Variants in DIAPH2 observed in about 807,000 individuals in gnomAD.
DIAPH2 encodes protein diaphanous homolog 2.
Under a neutral mutation model 92.7 loss-of-function variants are expected in DIAPH2, and 35 were observed. That is an observed-to-expected ratio of 0.38 (90% confidence interval 0.29 to 0.50). The LOEUF (loss-of-function observed/expected upper bound fraction) is 0.50, where lower values mean the gene tolerates loss of function less well. Among genes scored for constraint, DIAPH2 ranks in the 20% least tolerant of loss-of-function variants. The pLI is 0.94. For synonymous variants in DIAPH2, 301 were observed against 280.4 expected (o/e 1.07, Z -0.73); for missense variants, 701 against 819.5 (o/e 0.86, Z 1.77).
At chrX:96,905,486 G>A (rs971457845) in intron 5 of DIAPH2, among the ~76,000 whole-genome samples, 49 of 110,789 alleles carry the variant, frequency 4.4e-4, no homozygotes, top group African/African-American at 1.4e-3. Flanking sequence ...TCCTCGTTTT[G>A]CTTTGCCCTG....
At chrX:97,594,624 T>C (rs899613053) in intron 26 of DIAPH2, among the ~76,000 whole-genome samples, 2 of 112,902 alleles carry the variant, frequency 1.8e-5, no homozygotes, top group South Asian at 7.3e-4. Context: ...TGACCACTGA[T>C]GGTAAATCTG....
chrX:96,725,025 T>C (rs942055021), intron 1 of DIAPH2, among the ~76,000 whole-genome samples: 1 of 111,622 alleles, frequency 9.0e-6, no homozygotes, highest in East Asian at 2.8e-4. Context: ...ATTATTTAAA[T>C]ACAGCGAAGA....
At chrX:97,293,131 T>C (rs1484211457) in intron 23 of DIAPH2, among the ~76,000 whole-genome samples, 1 of 111,320 alleles carries the variant, frequency 9.0e-6, no homozygotes, top group Non-Finnish European at 1.9e-5. Context: ...TTTTCTAATG[T>C]CACTATAAAT....
chrX:97,474,808 T>C (rs1177502967), intron 26 of DIAPH2, among the ~76,000 whole-genome samples: 1 of 109,413 alleles, frequency 9.1e-6, no homozygotes, highest in East Asian at 2.8e-4. Context: ...AAGAACAGGG[T>C]AGATGATTAT....
chrX:97,395,412 A>T (rs1403073008), intron 25 of DIAPH2, among the ~76,000 whole-genome samples: 2 of 111,946 alleles, frequency 1.8e-5, no homozygotes, highest in Admixed American at 1.9e-4. Context: ...AATTTTGGAC[A>T]TGTAGCCAGC....
At chrX:97,406,861 G>C (rs1410907067) in intron 25 of DIAPH2, among the ~76,000 whole-genome samples, 2 of 110,887 alleles carry the variant, frequency 1.8e-5, no homozygotes, top group Non-Finnish European at 3.8e-5. Context: ...CTAAATCTTT[G>C]CCAAGGAACC....
chrX:97,006,199 T>G (rs1436412425), intron 17 of DIAPH2, among the ~76,000 whole-genome samples: 2 of 111,964 alleles, frequency 1.8e-5, no homozygotes, highest in East Asian at 5.6e-4. Context: ...AGACGTGTTT[T>G]GTGGTATGTC....
intron 1 of DIAPH2, among the ~76,000 whole-genome samples, chrX:96,696,072 G>A (rs185986849): frequency 1.8e-5 from 2 of 111,576 alleles, no homozygotes; most frequent in Non-Finnish European, 3.8e-5. Flanking sequence ...TTTTTTAGGA[G>A]TTTGTTTCTG....
At chrX:97,416,516 A>G (rs1413754202) in intron 25 of DIAPH2, among the ~76,000 whole-genome samples, 10 of 112,469 alleles carry the variant, frequency 8.9e-5, no homozygotes, top group Non-Finnish European at 1.5e-4. Flanking sequence ...AAAGATAGAA[A>G]ATTAGTTGGT....
intron 17 of DIAPH2, among the ~76,000 whole-genome samples, chrX:97,002,051 T>G (rs776302605): frequency 2.2e-4 from 24 of 111,027 alleles, no homozygotes; most frequent in Admixed American, 5.7e-4. Context: ...TCTTGATAAT[T>G]CAAGTCAATA....
chrX:96,779,923 T>C (rs1268505606), intron 4 of DIAPH2, among the ~76,000 whole-genome samples: 3 of 111,854 alleles, frequency 2.7e-5, no homozygotes, highest in South Asian at 3.7e-4. Flanking sequence ...ATTTTAAAAA[T>C]TTACAAAAAT....
rs749412334 is a variant in DIAPH2, at chrX:97,133,047, A to G, written c.2590-8618A>G. On this transcript the variant is annotated intron_variant, in intron 21 of 26. Coordinates refer to ENST00000324765, the MANE Select transcript of DIAPH2 (RefSeq NM_006729.5). ...AGATACTCTAGAGATTTGAACTTTT[A>G]TCTCACATTTAAGTTTTAATATGCT... is the stretch of plus-strand genomic sequence containing the variant. 3.6e-5 allele frequency among the ~76,000 whole-genome samples: 4 copies of G among 112,020 alleles called. No individual in the cohort carries two copies. In the South Asian group the frequency reaches 1.1e-3, roughly 32 times the overall value.
intron 23 of DIAPH2, among the ~76,000 whole-genome samples, chrX:97,319,313 T>A (rs1042492849): frequency 8.9e-6 from 1 of 112,465 alleles, no homozygotes; most frequent in Admixed American, 9.4e-5. Context: ...GAAAAAGATC[T>A]TTTTTCCTAC....
intron 25 of DIAPH2, among the ~76,000 whole-genome samples, chrX:97,404,826 A>AGTTG (rs1241678595): frequency 8.9e-6 from 1 of 112,487 alleles, no homozygotes; most frequent in Non-Finnish European, 1.9e-5. Flanking sequence ...GTTTGAGCTG[A>AGTTG]GTTGGTTGGT....
intron 22 of DIAPH2, among the ~76,000 whole-genome samples, chrX:97,216,479 T>G (rs748281022): frequency 1.1e-4 from 12 of 108,792 alleles, no homozygotes; most frequent in Middle Eastern, 4.7e-3. Flanking sequence ...TAATTTTTTT[T>G]TTTTTTTGTA....
Position 97,582,542 on chromosome X carries a change from C to T in DIAPH2, c.3242-16711C>T, listed in dbSNP as rs1428459861. On this transcript the variant is annotated intron_variant, in intron 26 of 26. Coordinates refer to ENST00000324765, the MANE Select transcript of DIAPH2 (RefSeq NM_006729.5). ...GCTTGTAGGGTTTCTGCCGAGAGAT[C>T]CGCTGTTAGTCTGATGGGCTTCCCT... Among the ~76,000 whole-genome samples the T allele has an allele frequency of 2.5e-4, 27 of 110,109 alleles. No individual in the cohort carries two copies. In the Admixed American group the frequency reaches 2.6e-3, roughly 11 times the overall value.
intron 17 of DIAPH2, among the ~76,000 whole-genome samples, chrX:97,004,857 C>A (rs933347864): frequency 9.8e-5 from 11 of 111,786 alleles, no homozygotes; most frequent in Admixed American, 5.7e-4. Flanking sequence ...GTGGTGAAAG[C>A]GGGCATCCTA....
At chrX:97,426,633 C>T (rs1280432128) in intron 25 of DIAPH2, among the ~76,000 whole-genome samples, 1 of 110,770 alleles carries the variant, frequency 9.0e-6, no homozygotes, top group Non-Finnish European at 1.9e-5. Context: ...GAGTCATTCT[C>T]CACAATGCTG....
At chrX:96,724,484 T>C (rs1001903231) in intron 1 of DIAPH2, among the ~76,000 whole-genome samples, 3 of 112,025 alleles carry the variant, frequency 2.7e-5, no homozygotes, top group Non-Finnish European at 3.8e-5. Flanking sequence ...TCATACACAC[T>C]GAGTGTTATT....
Sources: gnomAD v4.1 joint callset for allele counts (sites outside exome capture counted in the v4.1 genomes callset) on GRCh38, gnomAD v4.1.1 for gene constraint, MANE v1.5 for transcripts, NCBI Gene and HGNC (gene_info 2026-07-23, HGNC 2026-07-21) for gene names.